The following SPG7 variants were observed in gnomAD, a reference collection of about 807,000 sequenced individuals.
The protein encoded by SPG7 is SPG7 matrix AAA peptidase subunit, paraplegin.
A neutral mutation model predicts 81.9 loss-of-function variants in SPG7; 103 were observed. The observed-to-expected ratio is 1.26, with a 90% CI of 1.07 to 1.48. The LOEUF (loss-of-function observed/expected upper bound fraction) is 1.48. Among genes scored for constraint, SPG7 ranks in the 40% most tolerant of loss-of-function variants. SPG7 has a pLI of 0.00. For missense variants in SPG7, 1,241 were observed against 1,087.3 expected, an observed-to-expected ratio of 1.14 and a Z score of -1.99; for synonymous variants, 534 against 444.2, an observed-to-expected ratio of 1.20 and a Z score of -2.54.
rs763469858 is a variant in SPG7, at chr16:89,508,443, G to A, written c.26G>A (p.Arg9His). The change falls in exon 1 of 17, where the codon CGT becomes CAT. Residue 9 changes from arginine to histidine, a missense_variant. Transcript: ENST00000645818. MAVLLLLLRALRRGPGPGP... is the reference protein window; with the variant it reads MAVLLLLLHALRRGPGPGP... ...ATGGCCGTGCTGCTGCTGCTGCTCC[G>A]TGCCCTCCGCCGGGGTCCAGGCCCG... The A allele has an allele frequency of 2.0e-6, 3 of 1,501,418 alleles. No homozygotes were observed. The highest frequency in any genetic ancestry group is 2.6e-6 in the Non-Finnish European group (3 of 1,132,300). 93.0% of individuals were successfully genotyped at this position (1,501,418 alleles called of 1,614,324 possible). A position where few individuals can be genotyped will look rare whatever the true frequency, so the allele number is the denominator to read the frequency against.
In SPG7 at chr16:89,556,979, C is replaced by A. The variant is rs147302322; in HGVS notation, c.2274C>A (p.Ile758=). The change falls in exon 17 of 17, where the codon ATC becomes ATA. Residue 758 remains isoleucine, a synonymous_variant. Coordinates refer to ENST00000645818, the MANE Select transcript of SPG7 (RefSeq NM_003119.4). The part of the protein sequence containing the change: ...GPPPHGPKKM[I]APQRWIDAQR... ...CGCCCCATGGGCCGAAGAAAATGAT[C>A]GCACCGCAGAGGTGGATCGACGCCC... The A allele has an allele frequency of 1.2e-6, 2 of 1,613,834 alleles. No individual in the cohort carries two copies. The highest frequency in any genetic ancestry group is 1.7e-6 in the Non-Finnish European group (2 of 1,179,980).
At chr16:89,524,364 T>A in intron 4 of SPG7, 117 bp downstream of exon 4, 4 of 1,162,774 alleles carry the variant, frequency 3.4e-6, no homozygotes, top group Non-Finnish European at 4.9e-6. Context: ...TTGCCATCCT[T>A]TTGGATACCT....
At chr16:89,537,682 G>GT in intron 9 of SPG7, 1 of 979,446 alleles carries the variant, frequency 1.0e-6, no homozygotes, top group African/African-American at 1.7e-5. Flanking sequence ...GCCAGGCTCT[G>GT]TTTTTTCAGT....
chr16:89,532,692 G>A (rs2152403930), intron 9 of SPG7, 56 bp downstream of exon 9: 1 of 1,604,498 alleles, frequency 6.2e-7, no homozygotes, highest in Admixed American at 1.7e-5. Flanking sequence ...GTTTTCCGAT[G>A]TCTTTCAGAA....
chr16:89,546,156 GGCTCACTGCAA>G (rs1214339868), intron 10 of SPG7: 4 of 293,610 alleles, frequency 1.4e-5, no homozygotes, highest in Non-Finnish European at 2.7e-5. Context: ...GCGCGATCTC[GGCTCACTGCAA>G]CCACCATCTC....
chr16:89,532,173 G>T, intron 8 of SPG7, 107 bp downstream of exon 8: 3 of 1,241,010 alleles, frequency 2.4e-6, no homozygotes, highest in Admixed American at 1.9e-5. Context: ...GTGGGTGGGG[G>T]AGTAGAGAAG....
intron 2 of SPG7, 38 bp from the exon 3 acceptor site, chr16:89,512,910 A>G: frequency 6.2e-7 from 1 of 1,609,320 alleles, no homozygotes. Context: ...CTGTGGTTGC[A>G]AAACTTAATT....
At chr16:89,523,757 T>A (rs773912083) in intron 3 of SPG7, 56 of 626,924 alleles carry the variant, frequency 8.9e-5, no homozygotes, top group Non-Finnish European at 1.1e-4. Flanking sequence ...AATGGTTTCC[T>A]CTTAGGTGGG....
intron 11 of SPG7, 59 bp from the exon 12 acceptor site, chr16:89,547,944 C>G: frequency 7.6e-7 from 1 of 1,315,442 alleles, no homozygotes; most frequent in Non-Finnish European, 1.1e-6. Context: ...CCCCTTCCTC[C>G]TCTTAAGCCC....
chr16:89,532,146 G>A (rs2058352272), intron 8 of SPG7, 80 bp downstream of exon 8: 2 of 1,451,798 alleles, frequency 1.4e-6, no homozygotes, highest in Non-Finnish European at 9.5e-7. Flanking sequence ...CTGGTGTCTG[G>A]ACTGAAAGGG....
In SPG7 at chr16:89,531,898, G is replaced by A. The variant is rs779901380; in HGVS notation, c.988-6G>A. ...AGTTAGTGTTGCATTGTCTGCTGCC[G>A]TCCAGAGCCCAGAACGCTTCCTCCA... is the stretch of plus-strand genomic sequence containing the variant. On this transcript the variant is annotated splice_region_variant and splice_polypyrimidine_tract_variant and intron_variant, in intron 7 of 16. Coordinates refer to ENST00000645818, the MANE Select transcript of SPG7 (RefSeq NM_003119.4). 22 of 1,613,882 alleles carry A rather than the reference G, an allele frequency of 1.4e-5. No individual in the cohort carries two copies. The highest frequency in any genetic ancestry group is 9.3e-5 in the African/African-American group (7 of 74,894).
intron 11 of SPG7, chr16:89,546,982 G>T (rs569322074): frequency 3.7e-6 from 2 of 536,710 alleles, no homozygotes; most frequent in South Asian, 1.9e-5. Context: ...AAAAGCAGAC[G>T]GTGGTTCCCG....
At chr16:89,527,330 A>C (rs889037145) in intron 5 of SPG7, 1 of 152,228 alleles carries the variant, frequency 6.6e-6, no homozygotes, top group African/African-American at 2.4e-5. Context: ...TATAATTTTC[A>C]CTGACTGTGC....
In SPG7 at chr16:89,531,959, T is replaced by C; in HGVS notation, c.1043T>C (p.Leu348Pro). ...GAKVPKGALL[L>P]GPPGCGKTLL... Reference sequence around the variant, plus strand: ...AAGGTCCCAAAGGGCGCACTGCTGCTCGGCCCCCCCGGCTGTGGGAAGACG... The same window carrying C: ...AAGGTCCCAAAGGGCGCACTGCTGCCCGGCCCCCCCGGCTGTGGGAAGACG... Residue 348 changes from leucine to proline, a missense_variant, in exon 8 of 17, where the codon CTC becomes CCC. Coordinates refer to ENST00000645818, the MANE Select transcript of SPG7 (RefSeq NM_003119.4). The C allele has an allele frequency of 1.2e-6, 2 of 1,614,100 alleles. No homozygotes were observed. The highest frequency in any genetic ancestry group is 1.7e-6 in the Non-Finnish European group (2 of 1,179,976).
intron 9 of SPG7, among the ~76,000 whole-genome samples, chr16:89,534,563 A>G (rs192309328): frequency 1.4e-4 from 21 of 152,322 alleles, no homozygotes; most frequent in Admixed American, 1.1e-3. Context: ...TGGCTCCGAG[A>G]GAGCCGTTGA....
In SPG7 at chr16:89,531,990, G is replaced by C. The variant is rs2152403456; in HGVS notation, c.1074G>C (p.Leu358=). ...CCCCCGGCTGTGGGAAGACGCTGCT[G>C]GCCAAGGCGGTGGCCACGGAGGCTC... The part of the protein sequence containing the change: ...LGPPGCGKTL[L]AKAVATEAQV... The change falls in exon 8 of 17, where the codon CTG becomes CTC. Residue 358 remains leucine (L), a synonymous_variant. Transcript: ENST00000645818. The C allele has an allele frequency of 1.2e-5, 20 of 1,613,994 alleles. No homozygotes were observed. The highest frequency in any genetic ancestry group is 1.7e-5 in the Non-Finnish European group (20 of 1,179,974).
chr16:89,524,329 T>C, intron 4 of SPG7, 82 bp downstream of exon 4: 4 of 1,492,318 alleles, frequency 2.7e-6, no homozygotes, highest in Non-Finnish European at 3.6e-6. Context: ...TGGGCTCCTG[T>C]GAATGAGGGT....
chr16:89,532,736 C>T, intron 9 of SPG7, 100 bp downstream of exon 9: 1 of 1,410,696 alleles, frequency 7.1e-7, no homozygotes, highest in Non-Finnish European at 9.9e-7. Context: ...TGTCACTGCA[C>T]TCCGGCCTGG....
At chr16:89,548,519 T>C in intron 12 of SPG7, 1 of 304,366 alleles carries the variant, frequency 3.3e-6, no homozygotes, top group Admixed American at 5.0e-5. Flanking sequence ...CGCCCGTGGC[T>C]GTGGAGGGAC....
Sources: gnomAD v4.1 joint callset for allele counts (sites outside exome capture counted in the v4.1 genomes callset) on GRCh38, gnomAD v4.1.1 for gene constraint, MANE v1.5 for transcripts, NCBI Gene and HGNC (gene_info 2026-07-23, HGNC 2026-07-21) for gene names.